CPT1A: variants seen among roughly 807,000 people sequenced by gnomAD.
The protein encoded by CPT1A is carnitine palmitoyltransferase 1A.
In CPT1A, 64 loss-of-function variants were observed where a neutral mutation model predicts 100.8. That is an observed-to-expected ratio of 0.63 (90% CI 0.52 to 0.78). CPT1A has a LOEUF of 0.78. Among genes scored for constraint, CPT1A ranks in the 30% least tolerant of loss-of-function variants. CPT1A has a pLI of 0.00. For synonymous variants in CPT1A, 363 were observed against 396.0 expected (o/e 0.92, Z 0.99); for missense variants, 802 against 1,034.1 (o/e 0.78, Z 3.08).
At chr11:68,835,605 G>T (rs1051056443) in intron 1 of CPT1A, among the ~76,000 whole-genome samples, 1 of 151,840 alleles carries the variant, frequency 6.6e-6, no homozygotes, top group African/African-American at 2.4e-5. Context: ...CACAAAACTC[G>T]TGTGACATGG....
At position 68,781,926 on chromosome 11, in the gene CPT1A, A is replaced by G. The variant is rs748968062; in HGVS notation, c.1197T>C (p.Phe399=). The change falls in exon 11 of 19, where the codon TTT becomes TTC. Residue 399 remains phenylalanine (F), a synonymous_variant. Coordinates refer to ENST00000265641, the MANE Select transcript of CPT1A (RefSeq NM_001876.4). The part of the protein sequence containing the change: ...VPWARCRQAY[F]GRGKNKQSLD... ...GAGACTGCTTATTTTTCCCACGTCC[A>G]AAATAGGCCTGACGACACCTGGCCC... 2 of 1,614,198 alleles carry G rather than the reference A, an allele frequency of 1.2e-6. No homozygotes were observed. The highest frequency in any genetic ancestry group is 1.7e-6 in the Non-Finnish European group (2 of 1,180,022).
rs75029818 is a variant in CPT1A at position 68,806,859 on chromosome 11, G to A, written c.453+608C>T. Among the ~76,000 whole-genome samples the A allele has an allele frequency of 2.6e-3, 390 of 151,986 alleles. 2 individuals carry two copies. Among genetic ancestry groups the A allele is most frequent in the African/African-American group, 8.6e-3 (355 of 41,482 alleles). On this transcript the variant is annotated intron_variant, in intron 4 of 18. Transcript: ENST00000265641. ...CAAAAGAATTGCTTGAACCTGGAAG[G>A]GCAGAGTTTGCAGTGAGCTGAGATC...
intron 15 of CPT1A, among the ~76,000 whole-genome samples, chr11:68,762,315 C>T (rs746669432): frequency 6.6e-6 from 1 of 152,230 alleles, no homozygotes; most frequent in Non-Finnish European, 1.5e-5. Flanking sequence ...CTGTTCAGTT[C>T]CAAAGCAGCC....
rs553181816 is a variant in CPT1A at position 68,793,481 on chromosome 11, C to G, written c.880-79G>C. The G allele has an allele frequency of 2.6e-6, 3 of 1,143,628 alleles. No homozygotes were observed. In the South Asian group the frequency reaches 3.9e-5, roughly 15 times the overall value. The allele number at this position is 1,143,628 out of a possible 1,614,324, so 70.8% of individuals were successfully genotyped here. ...AGCAAGTTGGCCGGGTGCGGTGGCTCACGCCTGTAATCCCAACACTTTGGG... is the reference window on the plus strand; with the variant it reads ...AGCAAGTTGGCCGGGTGCGGTGGCTGACGCCTGTAATCCCAACACTTTGGG... On this transcript the variant is annotated intron_variant, in intron 8 of 18. Transcript: ENST00000265641.
chr11:68,773,778 T>C (rs1855061714), intron 13 of CPT1A: 1 of 329,288 alleles, frequency 3.0e-6, no homozygotes, highest in South Asian at 2.6e-5. Flanking sequence ...GGAAAGGCAG[T>C]CTCTCAGTAG....
rs555538313 is a variant in CPT1A at position 68,840,917 on chromosome 11, A to T, written c.-14+858T>A. Among the ~76,000 whole-genome samples, 295 of 151,682 alleles carry T rather than the reference A, an allele frequency of 1.9e-3. 3 individuals carry two copies. The highest frequency in any genetic ancestry group is 5.5e-3 in the African/African-American group (227 of 41,392). On this transcript the variant is annotated intron_variant, in intron 1 of 18. Coordinates refer to ENST00000265641, the MANE Select transcript of CPT1A (RefSeq NM_001876.4). ...GCCCCGCCGCTCCCAGCCCGGCACG[A>T]CCTTGGGCACATGCTCCGCGCCCAC... is the stretch of plus-strand genomic sequence containing the variant.
intron 9 of CPT1A, among the ~76,000 whole-genome samples, chr11:68,786,594 G>C (rs1009744405): frequency 1.3e-5 from 2 of 152,138 alleles, no homozygotes; most frequent in Non-Finnish European, 2.9e-5. Flanking sequence ...GCAGTGGCGC[G>C]ATCTCGGCTC....
At chr11:68,809,871 C>A (rs1367874245) in intron 3 of CPT1A, among the ~76,000 whole-genome samples, 1 of 152,252 alleles carries the variant, frequency 6.6e-6, no homozygotes, top group Non-Finnish European at 1.5e-5. Flanking sequence ...AGAGCGCCTA[C>A]ACTAGAGAGT....
At position 68,799,227 on chromosome 11, in the gene CPT1A, A is replaced by G; in HGVS notation, c.684T>C (p.Ala228=). ...GTGTATACAGACTTACGTAATTTGTAGCCCACCAGGATTTTAACTTCAAAT... is the reference window on the plus strand; with the variant it reads ...GTGTATACAGACTTACGTAATTTGTGGCCCACCAGGATTTTAACTTCAAAT... ...QWYLKLKSWW[A]TNYVSDWWEE... Residue 228 remains alanine, a synonymous_variant, in exon 6 of 19, where the codon GCT becomes GCC. Transcript: ENST00000265641. The G allele has an allele frequency of 1.2e-6, 2 of 1,613,854 alleles. No homozygotes were observed. Among genetic ancestry groups the G allele is most frequent in the South Asian group, 1.1e-5 (1 of 91,076 alleles).
intron 9 of CPT1A, among the ~76,000 whole-genome samples, chr11:68,793,088 A>T (rs1855662490): frequency 6.6e-6 from 1 of 152,116 alleles, no homozygotes; most frequent in Admixed American, 6.6e-5. Flanking sequence ...ACTCTATGAG[A>T]CAGTTGGCAG....
intron 1 of CPT1A, among the ~76,000 whole-genome samples, chr11:68,819,838 C>T (rs1034257146): frequency 6.6e-6 from 1 of 152,228 alleles, no homozygotes; most frequent in African/African-American, 2.4e-5. Flanking sequence ...GACCTAGCCT[C>T]TCCCTCTTTG....
chr11:68,807,728 G>T, intron 3 of CPT1A, 90 bp from the exon 4 acceptor site: 2 of 1,259,938 alleles, frequency 1.6e-6, no homozygotes, highest in East Asian at 2.4e-5. Context: ...ACCACGTGCT[G>T]CAGGGTCCAG....
intron 1 of CPT1A, among the ~76,000 whole-genome samples, chr11:68,829,540 G>T (rs760822294): frequency 6.6e-6 from 1 of 152,232 alleles, no homozygotes; most frequent in Non-Finnish European, 1.5e-5. Flanking sequence ...GCAGAAAAGA[G>T]GAGGAAGAAA....
chr11:68,804,177 A>G lies in CPT1A; in HGVS notation c.454-76T>C. The G allele has an allele frequency of 2.6e-6, 3 of 1,139,068 alleles. No individual in the cohort carries two copies. The East Asian group carries it at 7.1e-5, about 27-fold the overall frequency. 70.6% of individuals were successfully genotyped at this position (1,139,068 alleles called of 1,614,324 possible). A position where few individuals can be genotyped will look rare whatever the true frequency, so the allele number is the denominator to read the frequency against. Reference sequence around the variant, plus strand: ...CACCTGTTCTCGTCTGATCTCGTGAAGCTAAGCAGGGTCAGTCCTGGTTAG... The same window carrying G: ...CACCTGTTCTCGTCTGATCTCGTGAGGCTAAGCAGGGTCAGTCCTGGTTAG... On this transcript the variant is annotated intron_variant, in intron 4 of 18. Coordinates refer to ENST00000265641, the MANE Select transcript of CPT1A (RefSeq NM_001876.4).
rs1856075471 is a variant in CPT1A at position 68,807,455 on chromosome 11, A to T, written c.453+12T>A. ...GTCCACCCCCTCCACAGCCAGAGGG[A>T]CACGCAATTACCATCCAGATCTTGG... On this transcript the variant is annotated intron_variant, in intron 4 of 18. Transcript: ENST00000265641. 11 of 1,613,140 alleles carry T rather than the reference A, an allele frequency of 6.8e-6. No individual in the cohort carries two copies. The highest frequency in any genetic ancestry group is 9.3e-6 in the Non-Finnish European group (11 of 1,179,592).
rs1182845246 is a variant in CPT1A at position 68,755,963 on chromosome 11, A to C, written c.*1681T>G. On this transcript the variant is annotated 3_prime_UTR_variant, in exon 19 of 19. Coordinates refer to ENST00000265641, the MANE Select transcript of CPT1A (RefSeq NM_001876.4). ...ACCCCGTCTCTACTAAAAATACAAA[A>C]ATTAGCAGGGCATGGTGTTGGGCGT... 1.3e-5 allele frequency: 2 copies of C among 151,354 alleles called. No homozygotes were observed. Among genetic ancestry groups the C allele is most frequent in the Admixed American group, 1.3e-4 (2 of 15,206 alleles). The allele number at this position is 151,354 out of a possible 1,614,324, so 9.4% of individuals were successfully genotyped here. A position where few individuals can be genotyped will look rare whatever the true frequency, so the allele number is the denominator to read the frequency against.
intron 14 of CPT1A, among the ~76,000 whole-genome samples, chr11:68,769,324 C>T (rs1221972950): frequency 6.6e-6 from 1 of 152,202 alleles, no homozygotes; most frequent in African/African-American, 2.4e-5. Flanking sequence ...GCAGCCTCCA[C>T]CTCCGGGGCT....
chr11:68,773,433 G>C lies in CPT1A; in HGVS notation c.1576-4C>G. 1 of 1,614,008 alleles carries C rather than the reference G, an allele frequency of 6.2e-7. No individual in the cohort carries two copies. The highest frequency in any genetic ancestry group is 8.5e-7 in the Non-Finnish European group (1 of 1,179,874). On this transcript the variant is annotated splice_polypyrimidine_tract_variant and splice_region_variant and intron_variant, in intron 13 of 18. Coordinates refer to ENST00000265641, the MANE Select transcript of CPT1A (RefSeq NM_001876.4). ...AGGTCTCTATAACCTCTTGACACTT[G>C]AGAGAAAGAAGAAAAAGGTTTTACG...
chr11:68,763,830 TG>T (rs1237812647), intron 14 of CPT1A, among the ~76,000 whole-genome samples: 1 of 152,184 alleles, frequency 6.6e-6, no homozygotes, highest in African/African-American at 2.4e-5. Flanking sequence ...CCAGCTAGGC[TG>T]GTGCCTTGGG....
Sources: allele counts gnomAD v4.1 joint callset (sites outside exome capture counted in the v4.1 genomes callset), GRCh38; gene constraint gnomAD v4.1.1; transcripts MANE v1.5; gene names NCBI Gene and HGNC (gene_info 2026-07-23, HGNC 2026-07-21).